NEGR1: variants seen among roughly 807,000 people sequenced by gnomAD.
NEGR1 encodes IgLON family member 4.
A neutral mutation model predicts 40.9 loss-of-function variants in NEGR1; 10 were observed. The ratio of observed to expected loss-of-function variants is 0.24; its 90% CI spans 0.15 to 0.42. NEGR1 has a LOEUF of 0.42. Among genes scored for constraint, NEGR1 ranks in the 10% least tolerant of loss-of-function variants. The pLI is 1.00. For missense variants in NEGR1, 352 were observed against 438.9 expected, an observed-to-expected ratio of 0.80 and a Z score of 1.77; for synonymous variants, 185 against 166.8, an observed-to-expected ratio of 1.11 and a Z score of -0.84.
intron 3 of NEGR1, among the ~76,000 whole-genome samples, chr1:71,752,487 A>G (rs1211945727): frequency 6.6e-6 from 1 of 152,182 alleles, no homozygotes; most frequent in African/African-American, 2.4e-5. Flanking sequence ...ATAAAGATTA[A>G]TATCTGATGT....
At chr1:72,123,289 G>A (rs895398440) in intron 1 of NEGR1, among the ~76,000 whole-genome samples, 4 of 151,646 alleles carry the variant, frequency 2.6e-5, no homozygotes, top group African/African-American at 7.3e-5. Flanking sequence ...TAAATGTATA[G>A]TAGATAATCT....
At chr1:72,210,444 G>A (rs1435785509) in intron 1 of NEGR1, among the ~76,000 whole-genome samples, 1 of 151,822 alleles carries the variant, frequency 6.6e-6, no homozygotes, top group Non-Finnish European at 1.5e-5. Context: ...TGAAACGCAA[G>A]CAGAATGAGC....
At chr1:71,787,242 T>C (rs1375272577) in intron 2 of NEGR1, among the ~76,000 whole-genome samples, 1 of 152,230 alleles carries the variant, frequency 6.6e-6, no homozygotes, top group African/African-American at 2.4e-5. Flanking sequence ...ACTTCACAAC[T>C]TACCATAAAG....
intron 3 of NEGR1, among the ~76,000 whole-genome samples, chr1:71,770,960 CA>C (rs1656297075): frequency 6.6e-6 from 1 of 152,034 alleles, no homozygotes; most frequent in Non-Finnish European, 1.5e-5. Context: ...GGTATATACC[CA>C]AAGGATTATA....
chr1:71,931,308 G>A (rs1049160056), intron 2 of NEGR1, among the ~76,000 whole-genome samples: 3 of 152,156 alleles, frequency 2.0e-5, no homozygotes, highest in African/African-American at 7.2e-5. Flanking sequence ...TTTAATACAC[G>A]CTATCTATGA....
chr1:72,173,463 C>G, intron 1 of NEGR1, among the ~76,000 whole-genome samples: 1 of 151,360 alleles, frequency 6.6e-6, no homozygotes, highest in South Asian at 2.1e-4. Context: ...TAAACATGTT[C>G]TTTAGAATAA....
Position 71,933,308 on chromosome 1 carries a change from G to A in NEGR1, c.409+1771C>T, listed in dbSNP as rs190511148. 3.0e-3 allele frequency among the ~76,000 whole-genome samples: 453 copies of A among 152,062 alleles called. 3 individuals are homozygous for A. The highest frequency in any genetic ancestry group is 0.01 in the African/African-American group (416 of 41,520). On this transcript the variant is annotated intron_variant, in intron 2 of 6. Transcript: ENST00000357731. ...TGTACCTAGGCTGGTCTTAAATACC[G>A]ATAGTCTGGGTATTTAAAATATAGA...
At chr1:72,203,315 T>C (rs1653280269) in intron 1 of NEGR1, among the ~76,000 whole-genome samples, 1 of 152,036 alleles carries the variant, frequency 6.6e-6, no homozygotes, top group South Asian at 2.1e-4. Context: ...TTGGAAGAAG[T>C]TGTCTCCAAC....
intron 6 of NEGR1, among the ~76,000 whole-genome samples, chr1:71,538,506 G>C (rs1647584004): frequency 6.6e-6 from 1 of 151,692 alleles, no homozygotes; most frequent in African/African-American, 2.4e-5. Context: ...CCCAGTCATT[G>C]TGGAGTGGAA....
At chr1:71,411,617 A>G (rs1646321630) in intron 6 of NEGR1, among the ~76,000 whole-genome samples, 1 of 152,182 alleles carries the variant, frequency 6.6e-6, no homozygotes, top group African/African-American at 2.4e-5. Flanking sequence ...ATTCTGAGTG[A>G]CATGAGAAGC....
At chr1:72,237,988 C>T (rs1654613446) in intron 1 of NEGR1, among the ~76,000 whole-genome samples, 1 of 151,870 alleles carries the variant, frequency 6.6e-6, no homozygotes, top group Non-Finnish European at 1.5e-5. Context: ...ATATTGTTCT[C>T]CCTACTTCTT....
chr1:72,080,957 T>C (rs1647970790), intron 1 of NEGR1, among the ~76,000 whole-genome samples: 1 of 152,050 alleles, frequency 6.6e-6, no homozygotes, highest in Non-Finnish European at 1.5e-5. Flanking sequence ...AATGTGCCTC[T>C]GGTTGAGAGA....
At chr1:71,991,559 A>G (rs924133433) in intron 1 of NEGR1, among the ~76,000 whole-genome samples, 2 of 152,126 alleles carry the variant, frequency 1.3e-5, no homozygotes, top group African/African-American at 2.4e-5. Context: ...CTTAGCTTCA[A>G]TTCCTCTGGA....
At chr1:71,525,037 T>G (rs781410546) in intron 6 of NEGR1, among the ~76,000 whole-genome samples, 11 of 151,810 alleles carry the variant, frequency 7.2e-5, no homozygotes, top group Non-Finnish European at 1.5e-4. Context: ...TCCAAAACTA[T>G]AAGATAATAC....
chr1:71,536,016 A>G (rs1017358558), intron 6 of NEGR1, among the ~76,000 whole-genome samples: 1 of 151,698 alleles, frequency 6.6e-6, no homozygotes, highest in African/African-American at 2.4e-5. Context: ...TATTACTTAT[A>G]GAAGTGAATG....
At chr1:72,189,448 T>C (rs1239973849) in intron 1 of NEGR1, among the ~76,000 whole-genome samples, 1 of 151,534 alleles carries the variant, frequency 6.6e-6, no homozygotes, top group Non-Finnish European at 1.5e-5. Context: ...TTTGAAAACA[T>C]CTTCTTGACT....
chr1:71,536,946 T>C (rs1407252758), intron 6 of NEGR1, among the ~76,000 whole-genome samples: 2 of 151,712 alleles, frequency 1.3e-5, no homozygotes, highest in Non-Finnish European at 3.0e-5. Context: ...TTGTAGGTAA[T>C]AGTTGAAACT....
chr1:72,035,197 C>T (rs1184495733), intron 1 of NEGR1, among the ~76,000 whole-genome samples: 2 of 152,106 alleles, frequency 1.3e-5, no homozygotes, highest in East Asian at 1.9e-4. Context: ...TGCATTCTGC[C>T]GCAAACCGGA....
At chr1:72,228,334 G>A (rs1292514492) in intron 1 of NEGR1, among the ~76,000 whole-genome samples, 6 of 152,152 alleles carry the variant, frequency 3.9e-5, no homozygotes, top group African/African-American at 1.2e-4. Flanking sequence ...AGTTCCTTTT[G>A]CTTCCCGCAT....
Sources: gnomAD v4.1 joint callset for allele counts (sites outside exome capture counted in the v4.1 genomes callset) on GRCh38, gnomAD v4.1.1 for gene constraint, MANE v1.5 for transcripts, NCBI Gene and HGNC (gene_info 2026-07-23, HGNC 2026-07-21) for gene names.